The following TRMU variants were observed in gnomAD, a reference collection of about 807,000 sequenced individuals.
TRMU encodes tRNA mitochondrial 2-thiouridylase, also known as mitochondrial tRNA-specific 2-thiouridylase 1.
TRMU carries 49 observed loss-of-function variants against 46.9 expected under a neutral mutation model. The ratio of observed to expected loss-of-function variants is 1.05; its 90% CI spans 0.83 to 1.33. TRMU has a LOEUF of 1.33. Among genes scored for constraint, TRMU ranks in the 40% most tolerant of loss-of-function variants. TRMU has a pLI of 0.00. For synonymous variants in TRMU, 241 were observed against 200.9 expected (o/e 1.20, Z -1.69); for missense variants, 572 against 532.4 (o/e 1.07, Z -0.73).
Position 46,348,884 on chromosome 22 carries a change from C to G in TRMU, c.479-1407C>G, listed in dbSNP as rs2078329519. Among the ~76,000 whole-genome samples the G allele has an allele frequency of 1.3e-5, 2 of 152,076 alleles. No individual in the cohort carries two copies. The highest frequency in any genetic ancestry group is 2.9e-5 in the Non-Finnish European group (2 of 68,016). ...GTGCGGTGGCTCATGCCTGTAATCA[C>G]AGCACTTTGGGAAGCCAAGGCAGGC... On this transcript the variant is annotated intron_variant, in intron 4 of 10. Coordinates refer to ENST00000645190, the MANE Select transcript of TRMU (RefSeq NM_018006.5). This position sits in a 1 kb window ranked among gnomAD's most constrained non-coding sequence, Gnocchi z 4.8.
rs1488339885 is a variant in TRMU, at chr22:46,336,106, A to G, written c.82+260A>G. On this transcript the variant is annotated intron_variant, in intron 1 of 10. Transcript: ENST00000645190. The surrounding 1 kb of genome is among the most constrained non-coding windows in gnomAD (Gnocchi z 4.1). ...TCTCCACCCACGCGCGCCCACCCACAGTGAGAAGCCGGCGGGCCGGGGTGG... is the reference window on the plus strand; with the variant it reads ...TCTCCACCCACGCGCGCCCACCCACGGTGAGAAGCCGGCGGGCCGGGGTGG... 12 of 1,349,336 alleles carry G rather than the reference A, an allele frequency of 8.9e-6. No homozygotes were observed. The African/African-American group carries it at 1.4e-4, about 16-fold the overall frequency. The allele number at this position is 1,349,336 out of a possible 1,614,324, so 83.6% of individuals were successfully genotyped here. A position where few individuals can be genotyped will look rare whatever the true frequency, so the allele number is the denominator to read the frequency against.
rs565655318 is a variant in TRMU, at chr22:46,342,471, A to G, written c.249-791A>G. Among the ~76,000 whole-genome samples, 2 of 152,296 alleles carry G rather than the reference A, an allele frequency of 1.3e-5. No homozygotes were observed. The highest frequency in any genetic ancestry group is 3.9e-4 in the East Asian group (2 of 5,168). ...ACTCCTGGGTTTTTATGGAGGCTTC[A>G]TGACATCGCCATTCCTTCCCCCAGG... On this transcript the variant is annotated intron_variant, in intron 2 of 10. Coordinates refer to ENST00000645190, the MANE Select transcript of TRMU (RefSeq NM_018006.5). The surrounding 1 kb of genome is among the most constrained non-coding windows in gnomAD (Gnocchi z 4.7).
chr22:46,345,480 A>T (rs1281080459), intron 3 of TRMU, among the ~76,000 whole-genome samples: 1 of 152,234 alleles, frequency 6.6e-6, no homozygotes, highest in African/African-American at 2.4e-5. Flanking sequence ...GTGCTGGATG[A>T]TTCTTCACTC....
intron 10 of TRMU, 77 bp from the exon 11 acceptor site, chr22:46,356,765 T>A: frequency 6.4e-7 from 1 of 1,560,010 alleles, no homozygotes; most frequent in Non-Finnish European, 8.8e-7. Context: ...CCAGGCCCCA[T>A]AGGGGAGCAC....
At chr22:46,354,541 C>T (rs2078537413) in intron 8 of TRMU, 1 of 153,072 alleles carries the variant, frequency 6.5e-6, no homozygotes, top group East Asian at 1.9e-4. Context: ...AAGGCCCACT[C>T]TCAGCACCCT....
At position 46,349,909 on chromosome 22, in the gene TRMU, A is replaced by G. The variant is rs139592023; in HGVS notation, c.479-382A>G. On this transcript the variant is annotated intron_variant, in intron 4 of 10. Transcript: ENST00000645190. The surrounding 1 kb of genome is among the most constrained non-coding windows in gnomAD (Gnocchi z 4.6). ...GTTGGAAGAAGGCACAGCTGACACT[A>G]TATCAGTGGAATTTTCTGCCAGCAA... Among the ~76,000 whole-genome samples, 839 of 152,070 alleles carry G rather than the reference A, an allele frequency of 5.5e-3. 8 individuals carry two copies. The highest frequency in any genetic ancestry group is 0.019 in the African/African-American group (783 of 41,490).
intron 3 of TRMU, 144 bp from the exon 4 acceptor site, chr22:46,346,278 C>G (rs944038501): frequency 3.1e-6 from 3 of 958,934 alleles, no homozygotes; most frequent in Non-Finnish European, 4.5e-6. Flanking sequence ...CCTGGGATCT[C>G]TATGTTTGGG....
In TRMU at chr22:46,349,368, G is replaced by T. The variant is rs528707578; in HGVS notation, c.479-923G>T. Among the ~76,000 whole-genome samples the T allele has an allele frequency of 2.2e-4, 33 of 152,300 alleles. No homozygotes were observed. Among genetic ancestry groups the T allele is most frequent in the African/African-American group, 7.7e-4 (32 of 41,548 alleles). ...CAGTCTCCCCTCTGTAACGTGGGGAGAATTCTCCCTCTCACGGCTAACGTG... is the reference window on the plus strand; with the variant it reads ...CAGTCTCCCCTCTGTAACGTGGGGATAATTCTCCCTCTCACGGCTAACGTG... On this transcript the variant is annotated intron_variant, in intron 4 of 10. Coordinates refer to ENST00000645190, the MANE Select transcript of TRMU (RefSeq NM_018006.5). The surrounding 1 kb of genome is among the most constrained non-coding windows in gnomAD (Gnocchi z 4.6).
rs2077974037 is a variant in TRMU, at chr22:46,336,258, C to T, written c.82+412C>T. ...GACCTCTGCACACGCTGTGGCCGCC[C>T]GGTGGGAGGTCCTTGTCCTCCCCAC... On this transcript the variant is annotated intron_variant, in intron 1 of 10. Coordinates refer to ENST00000645190, the MANE Select transcript of TRMU (RefSeq NM_018006.5). The surrounding 1 kb of genome is among the most constrained non-coding windows in gnomAD (Gnocchi z 4.1). 2 of 587,310 alleles carry T rather than the reference C, an allele frequency of 3.4e-6. No individual in the cohort carries two copies. The highest frequency in any genetic ancestry group is 2.0e-5 in the African/African-American group (1 of 48,788). 36.4% of individuals were successfully genotyped at this position (587,310 alleles called of 1,614,324 possible). A position where few individuals can be genotyped will look rare whatever the true frequency, so the allele number is the denominator to read the frequency against.
At position 46,349,724 on chromosome 22, in the gene TRMU, C is replaced by G. The variant is rs944342973; in HGVS notation, c.479-567C>G. 1.3e-5 allele frequency among the ~76,000 whole-genome samples: 2 copies of G among 152,164 alleles called. No individual in the cohort carries two copies. The highest frequency in any genetic ancestry group is 4.8e-5 in the African/African-American group (2 of 41,438). On this transcript the variant is annotated intron_variant, in intron 4 of 10. Coordinates refer to ENST00000645190, the MANE Select transcript of TRMU (RefSeq NM_018006.5). This position sits in a 1 kb window ranked among gnomAD's most constrained non-coding sequence, Gnocchi z 4.6. ...TCGGAGGAACTGCAGGGTCACCTAACAGATGTCAGCTGAGACTCTCAACAA... is the reference window on the plus strand; with the variant it reads ...TCGGAGGAACTGCAGGGTCACCTAAGAGATGTCAGCTGAGACTCTCAACAA...
rs2078262551 is a variant in TRMU, at chr22:46,346,515, T to C, written c.449T>C (p.Leu150Pro). The C allele has an allele frequency of 6.2e-7, 1 of 1,612,852 alleles. No homozygotes were observed. The highest frequency in any genetic ancestry group is 8.5e-7 in the Non-Finnish European group (1 of 1,179,134). The change falls in exon 4 of 11, where the codon CTT becomes CCT. Residue 150 changes from leucine to proline, a missense_variant. Leu to Pro is a moderately conservative substitution (Grantham distance 98, BLOSUM62 -3). Transcript: ENST00000645190. ...EQKHVKKPEG[L>P]FRNRFEVRNA... ...AAGCACGTTAAGAAGCCCGAAGGGC[T>C]TTTCAGAAATCGGTTTGAAGTTAGA...
At chr22:46,356,611 G>T in intron 10 of TRMU, 1 of 577,928 alleles carries the variant, frequency 1.7e-6, no homozygotes, top group Non-Finnish European at 3.1e-6. Flanking sequence ...CCCTGTGACT[G>T]TCCCACTCAG....
rs1402321576 is a variant in TRMU at position 46,346,368 on chromosome 22, A to G, written c.356-54A>G. On this transcript the variant is annotated intron_variant, in intron 3 of 10. Transcript: ENST00000645190. ...TTTGTGCCTTGGTTTATGCTGATCA[A>G]GGCCTGCAAGTATGAGTCTAAAACC... 4 of 1,593,970 alleles carry G rather than the reference A, an allele frequency of 2.5e-6. No homozygotes were observed. The African/African-American group carries it at 5.4e-5, about 22-fold the overall frequency.
chr22:46,356,950 A>G lies in TRMU; in HGVS notation c.1210A>G (p.Thr404Ala), dbSNP rs1569091380. The G allele has an allele frequency of 1.2e-6, 2 of 1,613,350 alleles. No homozygotes were observed. Among genetic ancestry groups the G allele is most frequent in the Non-Finnish European group, 1.7e-6 (2 of 1,179,848 alleles). ...QKGQRRAGMA[T>A]ESPSDSPEDG... ...GGGCCAGCGCAGAGCTGGGATGGCC[A>G]CTGAGAGCCCCAGTGACAGCCCAGA... Residue 404 changes from threonine (T) to alanine (A), a missense_variant, in exon 11 of 11, where the codon ACT becomes GCT. By Grantham distance (58) the Thr-to-Ala change is moderately conservative. Transcript: ENST00000645190.
At position 46,352,160 on chromosome 22, in the gene TRMU, C is replaced by CATTTCCTTCTTCAG. The variant is rs755646665; in HGVS notation, c.692_705dup (p.Tyr236IlefsTer17). 1.9e-6 allele frequency: 3 copies of CATTTCCTTCTTCAG among 1,614,008 alleles called. No individual in the cohort carries two copies. In the African/African-American group the frequency reaches 4.0e-5, roughly 22 times the overall value. Reference sequence around the variant, plus strand: ...TTTCATCGGGAAGAGGAATTTTGAACATTTCCTTCTTCAGGTGCGTGCTGC... The same window carrying CATTTCCTTCTTCAG: ...TTTCATCGGGAAGAGGAATTTTGAACATTTCCTTCTTCAGATTTCCTTCTTCAGGTGCGTGCTGC... On this transcript the variant is annotated frameshift_variant, in exon 6 of 11. Coordinates refer to ENST00000645190, the MANE Select transcript of TRMU (RefSeq NM_018006.5). LOFTEE classifies it high-confidence loss of function.
intron 2 of TRMU, among the ~76,000 whole-genome samples, chr22:46,340,895 C>T (rs1310594351): frequency 2.6e-5 from 4 of 152,248 alleles, no homozygotes; most frequent in African/African-American, 9.6e-5. Flanking sequence ...CGAGGTCGCC[C>T]CTGGCTCCAG....
chr22:46,335,827 G>A lies in TRMU; in HGVS notation c.63G>A (p.Ala21=). 1 of 1,554,348 alleles carries A rather than the reference G, an allele frequency of 6.4e-7. No individual in the cohort carries two copies. Among genetic ancestry groups the A allele is most frequent in the South Asian group, 1.2e-5 (1 of 85,352 alleles). ...GCGGCGTGGACAGCGCCGTGGCCGC[G>A]CTGCTGCTGAGGCGGAGAGGTGAGG... ...LSGGVDSAVA[A]LLLRRRGYQV... The change falls in exon 1 of 11, where the codon GCG becomes GCA. Residue 21 remains alanine, a synonymous_variant. Coordinates refer to ENST00000645190, the MANE Select transcript of TRMU (RefSeq NM_018006.5).
Position 46,356,981 on chromosome 22 carries a change from G to A in TRMU, c.1241G>A (p.Gly414Asp). 3.7e-6 allele frequency: 6 copies of A among 1,613,588 alleles called. No homozygotes were observed. Among genetic ancestry groups the A allele is most frequent in the Non-Finnish European group, 5.1e-6 (6 of 1,180,014 alleles). ...TESPSDSPEDGPGLSPLL is the reference protein window; with the variant it reads ...TESPSDSPEDDPGLSPLL The stretch of plus-strand genomic sequence containing the variant: ...AGCCCCAGTGACAGCCCAGAAGATG[G>A]TCCAGGCCTGAGTCCCTTGCTCTGA... Residue 414 changes from glycine (G) to aspartate (D), a missense_variant, in exon 11 of 11, where the codon GGT becomes GAT. Coordinates refer to ENST00000645190, the MANE Select transcript of TRMU (RefSeq NM_018006.5).
rs141354582 is a variant in TRMU at position 46,348,360 on chromosome 22, T to A, written c.478+1816T>A. The stretch of plus-strand genomic sequence containing the variant: ...TTGAGTGCGTTTGGCATGTGGGAAT[T>A]GTGATGGTGCACAGTGTCTTGGCCT... On this transcript the variant is annotated intron_variant, in intron 4 of 10. Coordinates refer to ENST00000645190, the MANE Select transcript of TRMU (RefSeq NM_018006.5). The surrounding 1 kb of genome is among the most constrained non-coding windows in gnomAD (Gnocchi z 4.8). Among the ~76,000 whole-genome samples the A allele has an allele frequency of 6.6e-6, 1 of 152,350 alleles. No individual in the cohort carries two copies. Among genetic ancestry groups the A allele is most frequent in the East Asian group, 1.9e-4 (1 of 5,184 alleles).
Sources: gnomAD v4.1 joint callset for allele counts (sites outside exome capture counted in the v4.1 genomes callset) on GRCh38, gnomAD v4.1.1 for gene constraint, Gnocchi (gnomAD v3.1) non-coding constraint, MANE v1.5 for transcripts, NCBI Gene and HGNC (gene_info 2026-07-23, HGNC 2026-07-21) for gene names.